The following BBS2 variants were observed in gnomAD, a reference collection of about 807,000 sequenced individuals.
The protein encoded by BBS2 is Bardet-Biedl syndrome 2.
BBS2 carries 62 observed loss-of-function variants against 83.0 expected under a neutral mutation model. The ratio of observed to expected loss-of-function variants is 0.75; its 90% CI spans 0.61 to 0.92. The LOEUF is 0.92. Ranked by LOEUF, BBS2 falls within the 40% of genes least tolerant of loss-of-function variation. The pLI is 0.00. For missense variants in BBS2, 784 were observed against 901.0 expected, an observed-to-expected ratio of 0.87 and a Z score of 1.66; for synonymous variants, 303 against 326.1, an observed-to-expected ratio of 0.93 and a Z score of 0.76.
intron 15 of BBS2, among the ~76,000 whole-genome samples, chr16:56,489,240 C>G (rs1412216230): frequency 1.3e-5 from 2 of 152,104 alleles, no homozygotes; most frequent in Admixed American, 6.6e-5. Context: ...ACTCAGGAGG[C>G]TGAGGTAGGA....
intron 17 of BBS2, among the ~76,000 whole-genome samples, chr16:56,472,143 T>C (rs1427813787): frequency 6.6e-6 from 1 of 152,004 alleles, no homozygotes; most frequent in Non-Finnish European, 1.5e-5. Flanking sequence ...CTTGATTTTT[T>C]TTTTTTTGTA....
chr16:56,509,194 A>T (rs1964507853), intron 5 of BBS2, among the ~76,000 whole-genome samples: 1 of 152,198 alleles, frequency 6.6e-6, no homozygotes, highest in Non-Finnish European at 1.5e-5. Context: ...CATAGCCAAG[A>T]CTACGTACAA....
At chr16:56,481,924 C>T (rs1308239206), downstream of BBS2, among the ~76,000 whole-genome samples, 1 of 152,166 alleles carries the variant, frequency 6.6e-6, no homozygotes, top group East Asian at 1.9e-4. Context: ...CTGTACAGGA[C>T]ACTCTGTCTT....
chr16:56,473,222 G>A (rs776716584), intron 17 of BBS2, among the ~76,000 whole-genome samples: 5 of 152,062 alleles, frequency 3.3e-5, no homozygotes, highest in Non-Finnish European at 7.4e-5. Flanking sequence ...GAGCCACCAC[G>A]CCTGGCCACC....
chr16:56,519,657 T>A (rs1964860745), intron 1 of BBS2, 89 bp downstream of exon 1: 1 of 1,060,818 alleles, frequency 9.4e-7, no homozygotes, highest in East Asian at 2.4e-5. Flanking sequence ...GGGGGCGGGG[T>A]CGGAGAGGGG....
chr16:56,498,626 T>A (rs560556501), intron 12 of BBS2, 58 bp from the exon 13 acceptor site: 3 of 1,611,476 alleles, frequency 1.9e-6, no homozygotes, highest in African/African-American at 2.7e-5. Context: ...GTTCTTTTTT[T>A]TAATGTGCCT....
chr16:56,506,441 T>C (rs1456935324), intron 5 of BBS2, among the ~76,000 whole-genome samples: 4 of 152,220 alleles, frequency 2.6e-5, no homozygotes, highest in African/African-American at 9.7e-5. Context: ...CTCACAGGGT[T>C]TGGTGTTTTA....
chr16:56,509,712 C>A (rs982816853), intron 5 of BBS2: 15 of 486,336 alleles, frequency 3.1e-5, no homozygotes, highest in Non-Finnish European at 4.1e-5. Flanking sequence ...AAAGAAATGC[C>A]TTTATGTATT....
At chr16:56,482,066 A>G (rs1047890376), downstream of BBS2, among the ~76,000 whole-genome samples, 1 of 152,204 alleles carries the variant, frequency 6.6e-6, no homozygotes, top group East Asian at 1.9e-4. Context: ...GGCCATGAGT[A>G]TTTTTAGGTC....
intron 4 of BBS2, among the ~76,000 whole-genome samples, chr16:56,510,304 G>A (rs1325777982): frequency 3.3e-5 from 5 of 152,132 alleles, no homozygotes; most frequent in Non-Finnish European, 7.4e-5. Flanking sequence ...TACCTGAAAA[G>A]GCTCCCTGGA....
In BBS2 at chr16:56,470,489, T is replaced by G. The variant is rs769521855; in HGVS notation, c.*207A>C. 3.8e-6 allele frequency: 6 copies of G among 1,598,494 alleles called. No homozygotes were observed. Among genetic ancestry groups the G allele is most frequent in the Middle Eastern group, 1.9e-4 (1 of 5,368 alleles). ...AACTTGACATTGCTGTTTTTCAGGT[T>G]TTATGAGAAAGCTGAGGAGAGTAAG... On this transcript the variant is annotated 3_prime_UTR_variant, in exon 18 of 18. Coordinates refer to the BBS2 transcript ENST00000682047.
chr16:56,513,307 G>A (rs1334041231), intron 2 of BBS2, among the ~76,000 whole-genome samples: 2 of 152,096 alleles, frequency 1.3e-5, no homozygotes, highest in African/African-American at 4.8e-5. Flanking sequence ...AACATGGAAC[G>A]GTTAAACAAA....
chr16:56,503,875 C>T (rs567725731), intron 7 of BBS2, among the ~76,000 whole-genome samples: 25 of 150,840 alleles, frequency 1.7e-4, no homozygotes, highest in Admixed American at 2.7e-4. Context: ...GCCGAGATTG[C>T]GCCACTGCAC....
Position 56,506,236 on chromosome 16 carries a change from T to C in BBS2, c.613-12A>G, listed in dbSNP as rs900817907. ...AGAGAGGTGACTATCTGCAAAACAA[T>C]CCACAAAAACACAACATCTTTTCAT... On this transcript the variant is annotated splice_polypyrimidine_tract_variant and intron_variant, in intron 5 of 16. Coordinates refer to ENST00000245157, the MANE Select transcript of BBS2 (RefSeq NM_031885.5). The C allele has an allele frequency of 3.8e-6, 6 of 1,598,494 alleles. No individual in the cohort carries two copies. Among genetic ancestry groups the C allele is most frequent in the Admixed American group, 3.3e-5 (2 of 59,956 alleles).
At chr16:56,501,590 G>T in intron 9 of BBS2, 93 bp from the exon 10 acceptor site, 1 of 1,491,002 alleles carries the variant, frequency 6.7e-7, no homozygotes. Flanking sequence ...TCAAAAGACA[G>T]AGCCTCCAGC....
At chr16:56,505,861 C>A in intron 7 of BBS2, 89 bp downstream of exon 7, 2 of 989,432 alleles carry the variant, frequency 2.0e-6, no homozygotes, top group South Asian at 2.6e-5. Flanking sequence ...AAGTTTACAT[C>A]CCAATGTTAC....
At chr16:56,508,103 T>C (rs1007527991) in intron 5 of BBS2, among the ~76,000 whole-genome samples, 2 of 152,216 alleles carry the variant, frequency 1.3e-5, no homozygotes, top group Non-Finnish European at 2.9e-5. Context: ...ACTGTGAATA[T>C]ATAAAAAGTA....
chr16:56,505,042 G>C (rs1456113612), intron 7 of BBS2, among the ~76,000 whole-genome samples: 2 of 152,114 alleles, frequency 1.3e-5, no homozygotes, highest in African/African-American at 4.8e-5. Flanking sequence ...CCTTGATGGG[G>C]GCTTCCCAGC....
chr16:56,475,938 C>T lies in BBS2; in HGVS notation c.*1-5243G>A, dbSNP rs779723881. On this transcript the variant is annotated intron_variant, in intron 17 of 17. Transcript: ENST00000682047. Reference sequence around the variant, plus strand: ...TGTTCATTCAGAGGACCCCTCTATCCCCAGATTAAGTGCTTGATATGGAAA... The same window carrying T: ...TGTTCATTCAGAGGACCCCTCTATCTCCAGATTAAGTGCTTGATATGGAAA... 8 of 1,039,874 alleles carry T rather than the reference C, an allele frequency of 7.7e-6. 1 individual carries two copies. Among genetic ancestry groups the T allele is most frequent in the Non-Finnish European group, 1.1e-5 (8 of 711,982 alleles). The allele number at this position is 1,039,874 out of a possible 1,614,324, so 64.4% of individuals were successfully genotyped here. A position where few individuals can be genotyped will look rare whatever the true frequency, so the allele number is the denominator to read the frequency against.
Sources: allele counts gnomAD v4.1 joint callset (sites outside exome capture counted in the v4.1 genomes callset), GRCh38; gene constraint gnomAD v4.1.1; transcripts MANE v1.5; gene names NCBI Gene and HGNC (gene_info 2026-07-23, HGNC 2026-07-21).